Variants in ALAD observed in about 807,000 individuals in gnomAD.
ALAD encodes delta-aminolevulinic acid dehydratase.
A neutral mutation model predicts 44.4 loss-of-function variants in ALAD; 20 were observed. The observed-to-expected ratio is 0.45, with a 90% confidence interval of 0.32 to 0.65. ALAD has a LOEUF of 0.65. ALAD is among the 30% of genes least tolerant of loss of function. The probability of loss-of-function intolerance (pLI) is 0.05; values close to 1 mark genes in which losing one functional copy is unlikely to be tolerated. For missense variants in ALAD, 323 were observed against 445.7 expected (o/e 0.72, Z 2.48); for synonymous variants, 156 against 167.9 (o/e 0.93, Z 0.55).
intron 4 of ALAD, among the ~76,000 whole-genome samples, 164 bp from the exon 5 acceptor site, chr9:113,391,097 G>C (rs937128235): frequency 1.3e-5 from 2 of 152,322 alleles, no homozygotes; most frequent in African/African-American, 4.8e-5. Flanking sequence ...GCTGACTTAA[G>C]GGCAAAGACC....
Position 113,389,802 on chromosome 9 carries a change from T to C in ALAD, c.597A>G (p.Lys199=). The C allele has an allele frequency of 6.2e-7, 1 of 1,614,194 alleles. No homozygotes were observed. The highest frequency in any genetic ancestry group is 1.1e-5 in the South Asian group (1 of 91,078). Residue 199 remains lysine (K), a synonymous_variant, in exon 8 of 12, where the codon AAA becomes AAG. Transcript: ENST00000409155. The part of the protein sequence containing the change: ...NRVSVMSYSA[K]FASCFYGPFR... ...AAGGGCCATAGAAACAGGAAGCAAA[T>C]TTGGCACTGTAGCTCATCACCGATA...
At chr9:113,399,099 C>T (rs1827800120) in intron 1 of ALAD, among the ~76,000 whole-genome samples, 2 of 152,188 alleles carry the variant, frequency 1.3e-5, no homozygotes, top group South Asian at 2.1e-4. Flanking sequence ...GAGTATAGGG[C>T]GGTGCAGAAA....
At chr9:113,389,221 T>A in intron 10 of ALAD, 115 bp from the exon 11 acceptor site, 1 of 1,503,040 alleles carries the variant, frequency 6.7e-7, no homozygotes, top group Non-Finnish European at 9.1e-7. Context: ...CCTGGGTTAC[T>A]GCGGCTGGCA....
At chr9:113,400,892 T>C (rs554897039) in intron 1 of ALAD, among the ~76,000 whole-genome samples, 2 of 152,300 alleles carry the variant, frequency 1.3e-5, no homozygotes, top group East Asian at 1.9e-4. Flanking sequence ...ACGGCTGTTA[T>C]TGTTTTCACC....
chr9:113,391,465 A>G (rs1827582604), intron 4 of ALAD, 62 bp downstream of exon 4: 2 of 1,503,414 alleles, frequency 1.3e-6, no homozygotes, highest in South Asian at 2.3e-5. Context: ...TGGCCTCCCA[A>G]AGTGCTGGGA....
In ALAD at chr9:113,388,356, C is replaced by A. The variant is rs1827465586; in HGVS notation, c.937G>T (p.Asp313Tyr). ...GGTGTGTAGTAGGTGATGATGATGT[C>A]AGCACCTGTGTTGGGAGAGATGCAG... ...AMTAFRRAGA[D>Y]IIITYYTPQL... The change falls in exon 12 of 12, where the codon GAC (aspartate) becomes TAC (tyrosine). Residue 313 changes from aspartate to tyrosine, a missense_variant. Coordinates refer to ENST00000409155, the MANE Select transcript of ALAD (RefSeq NM_000031.6). The A allele has an allele frequency of 6.2e-7, 1 of 1,614,048 alleles. No homozygotes were observed. Among genetic ancestry groups the A allele is most frequent in the Non-Finnish European group, 8.5e-7 (1 of 1,180,036 alleles).
At chr9:113,397,794 T>G (rs983156776) in intron 1 of ALAD, among the ~76,000 whole-genome samples, 1 of 152,048 alleles carries the variant, frequency 6.6e-6, no homozygotes. Context: ...TTGGCTAATT[T>G]TTGTATTTTT....
intron 2 of ALAD, chr9:113,393,225 T>C: frequency 1.7e-6 from 1 of 598,680 alleles, no homozygotes; most frequent in South Asian, 1.9e-5. Context: ...AGGGTTATTC[T>C]TCTAATTTTC....
At chr9:113,398,604 T>C (rs1827790467) in intron 1 of ALAD, among the ~76,000 whole-genome samples, 1 of 152,212 alleles carries the variant, frequency 6.6e-6, no homozygotes, top group Non-Finnish European at 1.5e-5. Flanking sequence ...CGGCTGTCAG[T>C]GCTGAAAATA....
rs573437910 is a variant in ALAD, at chr9:113,392,065, C to A, written c.164+54G>T. ...TGCTTCTGCCTCCCAGCACTTCCAC[C>A]TGTGGAATCTCTCCCTCCACCACCC... On this transcript the variant is annotated intron_variant, in intron 3 of 11. Transcript: ENST00000409155. The A allele has an allele frequency of 1.0e-4, 151 of 1,492,368 alleles. No individual in the cohort carries two copies. In the African/African-American group the frequency reaches 1.9e-3, roughly 18 times the overall value. 92.4% of individuals were successfully genotyped at this position (1,492,368 alleles called of 1,614,324 possible).
rs1332978856 is a variant in ALAD at position 113,387,319 on chromosome 9, TC to T, written c.*980del. On this transcript the variant is annotated 3_prime_UTR_variant, in exon 12 of 12. Transcript: ENST00000409155. ...AGTCCTTCAGGGAAGTATTTTCTGA[TC>T]CTTCAAAGAGGTCAGGTCCTGGTGA... is the stretch of plus-strand genomic sequence containing the variant. 1 of 152,224 alleles carries T rather than the reference TC, an allele frequency of 6.6e-6. No individual in the cohort carries two copies. The highest frequency in any genetic ancestry group is 1.5e-5 in the Non-Finnish European group (1 of 68,068). The allele number at this position is 152,224 out of a possible 1,614,324, so 9.4% of individuals were successfully genotyped here.
In ALAD at chr9:113,390,483, C is replaced by A. The variant is rs1482744476; in HGVS notation, c.492G>T (p.Val164=). 6.2e-7 allele frequency: 1 copy of A among 1,614,162 alleles called. No homozygotes were observed. The highest frequency in any genetic ancestry group is 1.7e-5 in the Admixed American group (1 of 60,030). The stretch of plus-strand genomic sequence containing the variant: ...CATCCATCATGTCCGACGGGGCTAC[C>A]ACCTGACATCCTGGGGGGCAGAGGG... ...ALAYAKAGCQ[V]VAPSDMMDGR... is the part of the protein sequence containing the mutation. Residue 164 remains valine (V), a synonymous_variant, in exon 7 of 12, where the codon GTG becomes GTT. Coordinates refer to ENST00000409155, the MANE Select transcript of ALAD (RefSeq NM_000031.6).
intron 2 of ALAD, among the ~76,000 whole-genome samples, chr9:113,392,815 C>CTTTTTT (rs34148636): frequency 6.2e-5 from 7 of 113,082 alleles, no homozygotes; most frequent in Admixed American, 1.1e-4. Context: ...ATTGCCATCT[C>CTTTTTT]TTTTTTTTTT....
rs756582105 is a variant in ALAD at position 113,389,755 on chromosome 9, C to T, written c.626+18G>A. ...AGGGCCAGGGATTCACAGCAGACCC[C>T]TGCCCACCCCTGCTCACCGGAAAGG... is the stretch of plus-strand genomic sequence containing the variant. On this transcript the variant is annotated intron_variant, in intron 8 of 11. Coordinates refer to ENST00000409155, the MANE Select transcript of ALAD (RefSeq NM_000031.6). The T allele has an allele frequency of 2.5e-6, 4 of 1,614,244 alleles. No homozygotes were observed. The South Asian group carries it at 4.4e-5, about 18-fold the overall frequency.
At chr9:113,390,971 C>T in intron 4 of ALAD, 38 bp from the exon 5 acceptor site, 2 of 1,612,834 alleles carry the variant, frequency 1.2e-6, no homozygotes, top group Middle Eastern at 1.7e-4. Flanking sequence ...GTGTCTATTA[C>T]ATGTAGCTTT....
At chr9:113,397,455 C>T (rs1197743684) in intron 1 of ALAD, 1 of 152,194 alleles carries the variant, frequency 6.6e-6, no homozygotes, top group Non-Finnish European at 1.5e-5. Context: ...CCTGCTGCCA[C>T]ACCCCTGGGT....
chr9:113,393,637 G>GT lies in ALAD; in HGVS notation c.-75-4dup. On this transcript the variant is annotated splice_polypyrimidine_tract_variant and splice_region_variant and intron_variant, in intron 1 of 11. Coordinates refer to ENST00000409155, the MANE Select transcript of ALAD (RefSeq NM_000031.6). ...GGGGCATTGGCTGCAGGCTCTGTCT[G>GT]TGGGGGGTGATGGGTGGCACATGAG... 8.2e-7 allele frequency: 1 copy of GT among 1,218,352 alleles called. No individual in the cohort carries two copies. The allele number at this position is 1,218,352 out of a possible 1,614,324, so 75.5% of individuals were successfully genotyped here. A position where few individuals can be genotyped will look rare whatever the true frequency, so the allele number is the denominator to read the frequency against.
At chr9:113,397,303 G>A in intron 1 of ALAD, 1 of 152,338 alleles carries the variant, frequency 6.6e-6, no homozygotes. Context: ...AAACAGTGGG[G>A]CAGGGCTGCC....
chr9:113,392,187 G>T lies in ALAD; in HGVS notation c.114-18C>A. ...GAACATCCCTGCAAGAGCGGGGGTGGGATATGGATTGGTAGCTGTGGGAAG... is the reference window on the plus strand; with the variant it reads ...GAACATCCCTGCAAGAGCGGGGGTGTGATATGGATTGGTAGCTGTGGGAAG... On this transcript the variant is annotated intron_variant, in intron 2 of 11. Coordinates refer to ENST00000409155, the MANE Select transcript of ALAD (RefSeq NM_000031.6). 1 of 1,613,912 alleles carries T rather than the reference G, an allele frequency of 6.2e-7. No individual in the cohort carries two copies. The highest frequency in any genetic ancestry group is 1.3e-5 in the African/African-American group (1 of 75,020).
Sources: gnomAD v4.1 joint callset for allele counts (sites outside exome capture counted in the v4.1 genomes callset) on GRCh38, gnomAD v4.1.1 for gene constraint, MANE v1.5 for transcripts, NCBI Gene and HGNC (gene_info 2026-07-23, HGNC 2026-07-21) for gene names.